The following TMEM163 variants were observed in gnomAD, a reference collection of about 807,000 sequenced individuals.
TMEM163 encodes the protein transmembrane protein 163.
A neutral mutation model predicts 29.3 loss-of-function variants in TMEM163; 17 were observed. The observed-to-expected ratio is 0.58, with a 90% confidence interval of 0.40 to 0.87. TMEM163 has a LOEUF of 0.87. Ranked by LOEUF, TMEM163 falls within the 40% of genes least tolerant of loss-of-function variation. The pLI is 0.00. For synonymous variants in TMEM163, 157 were observed against 160.6 expected (o/e 0.98, Z 0.17); for missense variants, 303 against 381.5 (o/e 0.79, Z 1.71).
intron 2 of TMEM163, among the ~76,000 whole-genome samples, chr2:134,679,172 A>C (rs1228860499): frequency 6.6e-6 from 1 of 152,218 alleles, no homozygotes; most frequent in Non-Finnish European, 1.5e-5. Flanking sequence ...GGGGGACACA[A>C]GGATGGAGGT....
intron 4 of TMEM163, among the ~76,000 whole-genome samples, chr2:134,542,703 A>G (rs1343469730): frequency 6.6e-6 from 1 of 152,128 alleles, no homozygotes; most frequent in African/African-American, 2.4e-5. Flanking sequence ...CGCTGGTGCC[A>G]AAAGGGTTGG....
chr2:134,580,929 A>T (rs904568465), intron 2 of TMEM163, among the ~76,000 whole-genome samples: 2 of 152,194 alleles, frequency 1.3e-5, no homozygotes, highest in Admixed American at 6.5e-5. Flanking sequence ...AACCAGCCCT[A>T]GGACAGGAGC....
intron 2 of TMEM163, among the ~76,000 whole-genome samples, chr2:134,690,414 T>G (rs1386194250): frequency 6.6e-6 from 1 of 151,962 alleles, no homozygotes; most frequent in Non-Finnish European, 1.5e-5. Flanking sequence ...GCCTCCTGAG[T>G]AGCTGGGATT....
chr2:134,715,657 T>G (rs1320224203), intron 1 of TMEM163, among the ~76,000 whole-genome samples: 1 of 152,194 alleles, frequency 6.6e-6, no homozygotes, highest in Non-Finnish European at 1.5e-5. Context: ...TAGTGAATGT[T>G]CCACACACAG....
At position 134,711,072 on chromosome 2, in the gene TMEM163, T is replaced by C. The variant is rs542695134; in HGVS notation, c.322+2128A>G. Among the ~76,000 whole-genome samples, 50 of 152,374 alleles carry C rather than the reference T, an allele frequency of 3.3e-4. 2 individuals are homozygous for C. The highest frequency in any genetic ancestry group is 1.2e-3 in the African/African-American group (49 of 41,594). On this transcript the variant is annotated intron_variant, in intron 2 of 7. Coordinates refer to ENST00000281924, the MANE Select transcript of TMEM163 (RefSeq NM_030923.5). ...TTGCCATTTTGAAATGTTCCATTTTTCTTTAGACACTAATTTAAACATAAC... is the reference window on the plus strand; with the variant it reads ...TTGCCATTTTGAAATGTTCCATTTTCCTTTAGACACTAATTTAAACATAAC...
intron 2 of TMEM163, among the ~76,000 whole-genome samples, chr2:134,625,490 G>A (rs570584907): frequency 2.0e-5 from 3 of 152,286 alleles, no homozygotes; most frequent in South Asian, 4.1e-4. Context: ...CAAGTCATAC[G>A]CAGTTCTGAG....
At chr2:134,567,455 G>A (rs572900906) in intron 2 of TMEM163, among the ~76,000 whole-genome samples, 128 of 152,244 alleles carry the variant, frequency 8.4e-4, no homozygotes, top group African/African-American at 2.9e-3. Flanking sequence ...ACTTTGGGAG[G>A]CCGAGGCGGG....
intron 2 of TMEM163, among the ~76,000 whole-genome samples, chr2:134,669,049 G>C (rs1017064922): frequency 6.6e-6 from 1 of 152,176 alleles, no homozygotes; most frequent in Non-Finnish European, 1.5e-5. Flanking sequence ...CATCCTCACT[G>C]CAGAGGCATC....
At chr2:134,470,949 A>G (rs1686786549) in intron 5 of TMEM163, among the ~76,000 whole-genome samples, 1 of 152,216 alleles carries the variant, frequency 6.6e-6, no homozygotes, top group Non-Finnish European at 1.5e-5. Context: ...AGGCGGGAAG[A>G]ACACTTGAAG....
rs2106472231 is a variant in TMEM163 at position 134,460,982 on chromosome 2, G to A, written c.668-2809C>T. 6.6e-6 allele frequency among the ~76,000 whole-genome samples: 1 copy of A among 152,350 alleles called. No individual in the cohort carries two copies. The highest frequency in any genetic ancestry group is 1.5e-5 in the Non-Finnish European group (1 of 68,026). On this transcript the variant is annotated intron_variant, in intron 6 of 7. Transcript: ENST00000281924. The surrounding 1 kb of genome is among the most constrained non-coding windows in gnomAD (Gnocchi z 4.3). ...GCTGGATCAAGCACACAGGGACTAGGGACCGAGTCAGTGGCCACCTGCCAC... is the reference window on the plus strand; with the variant it reads ...GCTGGATCAAGCACACAGGGACTAGAGACCGAGTCAGTGGCCACCTGCCAC...
At chr2:134,503,315 T>C (rs1378081230) in intron 4 of TMEM163, among the ~76,000 whole-genome samples, 2 of 152,234 alleles carry the variant, frequency 1.3e-5, no homozygotes, top group Non-Finnish European at 2.9e-5. Flanking sequence ...AAATGTGATG[T>C]TTCATTCCTG....
At chr2:134,477,846 A>G (rs1289828858) in intron 5 of TMEM163, among the ~76,000 whole-genome samples, 1 of 152,184 alleles carries the variant, frequency 6.6e-6, no homozygotes, top group Non-Finnish European at 1.5e-5. Flanking sequence ...GCTGTACAAG[A>G]TGTGGAATGG....
chr2:134,623,925 A>G (rs934755845), intron 2 of TMEM163, among the ~76,000 whole-genome samples: 5 of 152,216 alleles, frequency 3.3e-5, no homozygotes, highest in Non-Finnish European at 7.3e-5. Context: ...ACAAAGAGAA[A>G]ACCATTTAAG....
In TMEM163 at chr2:134,508,655, A is replaced by G. The variant is rs529925370; in HGVS notation, c.459-5658T>C. ...TGGTTAAGACTCCACCCCTCCCTCA[A>G]TCCGTCACTATCAATGCCTCTCTCC... On this transcript the variant is annotated intron_variant, in intron 4 of 7. Coordinates refer to ENST00000281924, the MANE Select transcript of TMEM163 (RefSeq NM_030923.5). Among the ~76,000 whole-genome samples the G allele has an allele frequency of 1.7e-4, 26 of 151,966 alleles. No individual in the cohort carries two copies. The South Asian group carries it at 1.9e-3, about 11-fold the overall frequency.
At chr2:134,635,298 C>T (rs1683079237) in intron 2 of TMEM163, among the ~76,000 whole-genome samples, 1 of 152,178 alleles carries the variant, frequency 6.6e-6, no homozygotes, top group Admixed American at 6.5e-5. Context: ...GTAGACGGCT[C>T]TTCTATCTGT....
chr2:134,671,077 C>T (rs1683986405), intron 2 of TMEM163, among the ~76,000 whole-genome samples: 1 of 152,180 alleles, frequency 6.6e-6, no homozygotes, highest in Non-Finnish European at 1.5e-5. Flanking sequence ...CCTGTCCAGC[C>T]GTGTCAGCAG....
intron 2 of TMEM163, among the ~76,000 whole-genome samples, chr2:134,648,832 T>A (rs1232370648): frequency 6.6e-6 from 1 of 152,238 alleles, no homozygotes; most frequent in East Asian, 1.9e-4. Flanking sequence ...TATATCCATT[T>A]AGCCCTTGCT....
At chr2:134,457,713 C>CA (rs1686431065) in intron 7 of TMEM163, among the ~76,000 whole-genome samples, 1 of 152,176 alleles carries the variant, frequency 6.6e-6, no homozygotes, top group African/African-American at 2.4e-5. Context: ...TTCCCTGGGG[C>CA]ATCATGAAGA....
chr2:134,575,798 C>A (rs747768061), intron 2 of TMEM163, among the ~76,000 whole-genome samples: 1 of 151,856 alleles, frequency 6.6e-6, no homozygotes, highest in South Asian at 2.1e-4. Flanking sequence ...TCAGCAGGTG[C>A]GTGGGAGCAG....
Sources: gnomAD v4.1 joint callset for allele counts (sites outside exome capture counted in the v4.1 genomes callset) on GRCh38, gnomAD v4.1.1 for gene constraint, Gnocchi (gnomAD v3.1) non-coding constraint, MANE v1.5 for transcripts, NCBI Gene and HGNC (gene_info 2026-07-23, HGNC 2026-07-21) for gene names.